Variants in TRDN observed in about 807,000 individuals in gnomAD.
TRDN encodes the protein triadin in skeletal muscle.
Under a neutral mutation model 149.7 loss-of-function variants are expected in TRDN, and 161 were observed. The observed-to-expected ratio is 1.08, with a 90% CI of 0.95 to 1.23. The LOEUF is 1.23. Among genes scored for constraint, TRDN ranks in the 50% most tolerant of loss-of-function variants. The probability of loss-of-function intolerance (pLI) is 0.00; values close to 1 mark genes in which losing one functional copy is unlikely to be tolerated. For missense variants in TRDN, 896 were observed against 823.5 expected, an observed-to-expected ratio of 1.09 and a Z score of -1.08; for synonymous variants, 294 against 250.5, an observed-to-expected ratio of 1.17 and a Z score of -1.64.
At chr6:123,508,652 G>C (rs1461846698) in intron 7 of TRDN, among the ~76,000 whole-genome samples, 1 of 152,008 alleles carries the variant, frequency 6.6e-6, no homozygotes, top group East Asian at 1.9e-4. Context: ...GTGGATATGG[G>C]GTCCTACATA....
Position 123,265,340 on chromosome 6 carries a change from T to C in TRDN, c.1784-2A>G. On this transcript the variant is annotated splice_acceptor_variant, in intron 32 of 40. Coordinates refer to ENST00000334268, the MANE Select transcript of TRDN (RefSeq NM_006073.4). LOFTEE classifies it high-confidence loss of function. ...TACTTGGAGTTGGTTTTGGTTTGTC[T>C]AAAAAGGAAAAAAGAAAAAAAAAGA... The C allele has an allele frequency of 7.0e-7, 1 of 1,423,114 alleles. No homozygotes were observed. Among genetic ancestry groups the C allele is most frequent in the East Asian group, 2.7e-5 (1 of 37,712 alleles). 88.2% of individuals were successfully genotyped at this position (1,423,114 alleles called of 1,614,324 possible).
At chr6:123,444,897 T>A (rs1030970514) in intron 10 of TRDN, 1 of 152,376 alleles carries the variant, frequency 6.6e-6, no homozygotes, top group Admixed American at 6.5e-5. Flanking sequence ...ATAAGCTTTT[T>A]GATGTGCTGA....
intron 24 of TRDN, among the ~76,000 whole-genome samples, chr6:123,295,990 G>A (rs1778179164): frequency 6.6e-6 from 1 of 151,692 alleles, no homozygotes; most frequent in Non-Finnish European, 1.5e-5. Context: ...AAAGATGAAT[G>A]AATGGCAAAT....
At chr6:123,512,514 C>G (rs1350351053) in intron 6 of TRDN, among the ~76,000 whole-genome samples, 152 bp from the exon 7 acceptor site, 1 of 151,906 alleles carries the variant, frequency 6.6e-6, no homozygotes, top group African/African-American at 2.4e-5. Context: ...TAAAGAGTTA[C>G]CAGTGTAATA....
chr6:123,597,472 T>C (rs1054912203), intron 1 of TRDN, among the ~76,000 whole-genome samples: 1 of 152,102 alleles, frequency 6.6e-6, no homozygotes, highest in Admixed American at 6.6e-5. Flanking sequence ...ACTGGCCTAG[T>C]TGTAGAGGAT....
chr6:123,421,388 C>G (rs980821539), intron 12 of TRDN, among the ~76,000 whole-genome samples: 19 of 152,070 alleles, frequency 1.2e-4, no homozygotes, highest in African/African-American at 4.3e-4. Context: ...AATCTGTTTC[C>G]TTTACACATT....
At chr6:123,622,299 C>CTA (rs1400531860) in intron 1 of TRDN, among the ~76,000 whole-genome samples, 345 of 130,446 alleles carry the variant, frequency 2.6e-3, no homozygotes, top group East Asian at 0.014. Context: ...TTATCTCTCT[C>CTA]TCTCTATATA....
chr6:123,297,505 A>T (rs554092683), intron 24 of TRDN, among the ~76,000 whole-genome samples: 1 of 152,158 alleles, frequency 6.6e-6, no homozygotes, highest in South Asian at 2.1e-4. Flanking sequence ...TAATACTGAC[A>T]TTATACAATG....
At chr6:123,396,627 T>C (rs549241467) in intron 12 of TRDN, among the ~76,000 whole-genome samples, 2 of 152,188 alleles carry the variant, frequency 1.3e-5, no homozygotes, top group Non-Finnish European at 2.9e-5. Flanking sequence ...TTAGTATTTG[T>C]AGATCCCTGA....
intron 13 of TRDN, among the ~76,000 whole-genome samples, chr6:123,392,608 C>G (rs1356278207): frequency 6.6e-6 from 1 of 151,942 alleles, no homozygotes; most frequent in Non-Finnish European, 1.5e-5. Context: ...TATTCCCTAT[C>G]AGAACTTTCC....
chr6:123,537,407 T>A (rs1253966204), intron 4 of TRDN, among the ~76,000 whole-genome samples: 2 of 152,176 alleles, frequency 1.3e-5, no homozygotes, highest in South Asian at 2.1e-4. Context: ...ATTTTAATGA[T>A]CCTCTTGGTA....
intron 37 of TRDN, among the ~76,000 whole-genome samples, chr6:123,254,297 C>T (rs956314044): frequency 1.3e-5 from 2 of 151,884 alleles, no homozygotes; most frequent in East Asian, 3.9e-4. Context: ...ATTATGAATA[C>T]ATTAATAATT....
intron 24 of TRDN, among the ~76,000 whole-genome samples, chr6:123,282,376 A>G (rs1170714465): frequency 6.6e-6 from 1 of 152,020 alleles, no homozygotes. Flanking sequence ...TAAGATGATT[A>G]ATCAACAGTG....
At chr6:123,561,305 C>T (rs144579006) in intron 2 of TRDN, among the ~76,000 whole-genome samples, 5 of 152,242 alleles carry the variant, frequency 3.3e-5, no homozygotes, top group Non-Finnish European at 7.4e-5. Flanking sequence ...AATGGTAGAA[C>T]GGACTAATGG....
chr6:123,624,386 C>T (rs1254683692), intron 1 of TRDN, among the ~76,000 whole-genome samples: 1 of 152,104 alleles, frequency 6.6e-6, no homozygotes, highest in Non-Finnish European at 1.5e-5. Flanking sequence ...ATCTGGTCTA[C>T]TTAATTCAAG....
intron 12 of TRDN, among the ~76,000 whole-genome samples, chr6:123,408,437 G>A (rs1773283710): frequency 6.6e-6 from 1 of 152,076 alleles, no homozygotes; most frequent in Non-Finnish European, 1.5e-5. Context: ...CAACACTTTG[G>A]GAGGCCGAGG....
chr6:123,284,715 A>G (rs188435503), intron 24 of TRDN, among the ~76,000 whole-genome samples: 5 of 152,252 alleles, frequency 3.3e-5, no homozygotes, highest in South Asian at 2.1e-4. Flanking sequence ...AGTAAAGAGG[A>G]AGTCAAACTG....
At chr6:123,321,812 CTGATTTCTTCTGCTGCAGACACAA>C (rs1779253915) in intron 23 of TRDN, among the ~76,000 whole-genome samples, 1 of 151,742 alleles carries the variant, frequency 6.6e-6, no homozygotes, top group African/African-American at 2.4e-5. Flanking sequence ...TAGATGGTAT[CTGATTTCTTCTGCTGCAGACACAA>C]TGCTTTGTGG....
At chr6:123,241,838 C>G (rs1398306751) in intron 38 of TRDN, among the ~76,000 whole-genome samples, 1 of 151,770 alleles carries the variant, frequency 6.6e-6, no homozygotes, top group African/African-American at 2.4e-5. Flanking sequence ...TGATGAAGTG[C>G]TAATGGCAAA....
Sources: gnomAD v4.1 joint callset for allele counts (sites outside exome capture counted in the v4.1 genomes callset) on GRCh38, gnomAD v4.1.1 for gene constraint, MANE v1.5 for transcripts, NCBI Gene and HGNC (gene_info 2026-07-23, HGNC 2026-07-21) for gene names.